SULF1: variants seen among roughly 807,000 people sequenced by gnomAD.
SULF1 encodes extracellular sulfatase Sulf-1.
In SULF1, 46 loss-of-function variants were observed where a neutral mutation model predicts 110.5. The ratio of observed to expected loss-of-function variants is 0.42; its 90% CI spans 0.33 to 0.53. The LOEUF (loss-of-function observed/expected upper bound fraction) is 0.53. Ranked by LOEUF, SULF1 falls within the 20% of genes least tolerant of loss-of-function variation. The pLI, the probability that SULF1 is intolerant of heterozygous loss-of-function variation, is 0.12. For missense variants in SULF1, 941 were observed against 1,094.2 expected, an observed-to-expected ratio of 0.86 and a Z score of 1.98; for synonymous variants, 371 against 387.1, an observed-to-expected ratio of 0.96 and a Z score of 0.49.
At chr8:69,523,890 C>T (rs1344304700) in intron 3 of SULF1, among the ~76,000 whole-genome samples, 1 of 151,852 alleles carries the variant, frequency 6.6e-6, no homozygotes, top group Non-Finnish European at 1.5e-5. Context: ...ATTAGATTGG[C>T]CAGGGAGTGG....
At chr8:69,651,465 T>G (rs1812341301) in intron 22 of SULF1, among the ~76,000 whole-genome samples, 2 of 152,192 alleles carry the variant, frequency 1.3e-5, no homozygotes, top group African/African-American at 4.8e-5. Flanking sequence ...GCTTTTAGAG[T>G]TTCTCTATTA....
At chr8:69,526,263 T>TA (rs1163063241) in intron 3 of SULF1, among the ~76,000 whole-genome samples, 1 of 152,032 alleles carries the variant, frequency 6.6e-6, no homozygotes, top group Non-Finnish European at 1.5e-5. Flanking sequence ...CAGTTTCCTG[T>TA]AAAGATAAAG....
At chr8:69,559,731 G>A (rs1815345762) in intron 3 of SULF1, among the ~76,000 whole-genome samples, 2 of 152,136 alleles carry the variant, frequency 1.3e-5, no homozygotes, top group African/African-American at 4.8e-5. Flanking sequence ...TTTTCCTCAA[G>A]ACAGCCATCA....
intron 15 of SULF1, 33 bp from the exon 16 acceptor site, chr8:69,627,177 A>G: frequency 6.6e-7 from 1 of 1,510,278 alleles, no homozygotes; most frequent in Non-Finnish European, 9.2e-7. Flanking sequence ...TAGAATATAA[A>G]CCTATTTCAC....
At chr8:69,656,441 C>T (rs147847862) in intron 22 of SULF1, among the ~76,000 whole-genome samples, 25 of 152,286 alleles carry the variant, frequency 1.6e-4, no homozygotes, top group Admixed American at 1.6e-3. Context: ...GCCCAGCATG[C>T]ATTAGCTATT....
At chr8:69,645,146 C>T (rs545224172) in intron 22 of SULF1, among the ~76,000 whole-genome samples, 1 of 152,228 alleles carries the variant, frequency 6.6e-6, no homozygotes, top group Admixed American at 6.5e-5. Context: ...CCAGTAGGCA[C>T]CAAAATCCAG....
chr8:69,547,755 G>A (rs1306131336), intron 3 of SULF1, among the ~76,000 whole-genome samples: 1 of 152,114 alleles, frequency 6.6e-6, no homozygotes, highest in Non-Finnish European at 1.5e-5. Context: ...CCATTCAAAG[G>A]CAGGACTCTT....
chr8:69,521,359 A>G (rs1001028920), intron 3 of SULF1, among the ~76,000 whole-genome samples: 1 of 152,152 alleles, frequency 6.6e-6, no homozygotes, highest in Non-Finnish European at 1.5e-5. Context: ...ACTAACCACA[A>G]TATACGTAGT....
chr8:69,484,156 A>G (rs1305865944), intron 1 of SULF1, among the ~76,000 whole-genome samples: 1 of 152,158 alleles, frequency 6.6e-6, no homozygotes, highest in African/African-American at 2.4e-5. Flanking sequence ...CTTTAAGCTC[A>G]GTTGACTTTT....
intron 3 of SULF1, among the ~76,000 whole-genome samples, chr8:69,515,288 G>T (rs908113896): frequency 2.0e-5 from 3 of 152,152 alleles, no homozygotes; most frequent in Non-Finnish European, 4.4e-5. Context: ...ACACCTGAAG[G>T]CCCAACACCA....
intron 22 of SULF1, among the ~76,000 whole-genome samples, chr8:69,658,220 G>A (rs578067065): frequency 1.3e-5 from 2 of 152,126 alleles, no homozygotes; most frequent in Non-Finnish European, 2.9e-5. Context: ...GTGGGGCCAG[G>A]AGTGAAACCC....
At chr8:69,516,403 T>C (rs1899274) in intron 3 of SULF1, among the ~76,000 whole-genome samples, 82,805 of 150,872 alleles carry the variant, frequency 0.55, 23,067 homozygotes, top group South Asian at 0.65. Context: ...AAAAAACAGA[T>C]CTTGTGGGAA....
chr8:69,533,838 C>T (rs1036362651), intron 3 of SULF1, among the ~76,000 whole-genome samples: 6 of 152,020 alleles, frequency 3.9e-5, no homozygotes, highest in African/African-American at 1.5e-4. Flanking sequence ...AATGTGGTTA[C>T]TTTTTTACCT....
At chr8:69,616,702 G>GTTT (rs35961171) in intron 13 of SULF1, among the ~76,000 whole-genome samples, 1 of 104,608 alleles carries the variant, frequency 9.6e-6, no homozygotes, top group Non-Finnish European at 1.8e-5. Flanking sequence ...GTGCCCGGCC[G>GTTT]TTTTTTTTTT....
At chr8:69,658,061 C>T (rs1293283834) in intron 22 of SULF1, among the ~76,000 whole-genome samples, 1 of 152,220 alleles carries the variant, frequency 6.6e-6, no homozygotes, top group African/African-American at 2.4e-5. Flanking sequence ...TTGCCTATTA[C>T]ATTCAAATAC....
At chr8:69,481,757 G>A (rs1027543695) in intron 1 of SULF1, among the ~76,000 whole-genome samples, 2 of 152,178 alleles carry the variant, frequency 1.3e-5, no homozygotes, top group South Asian at 2.1e-4. Flanking sequence ...AAGGATAATG[G>A]CCTCCAGCTC....
At position 69,523,630 on chromosome 8, in the gene SULF1, T is replaced by C. The variant is rs189134568; in HGVS notation, c.-134+21662T>C. Reference sequence around the variant, plus strand: ...GTGAAGTGAGAGAGGGGGAAGGAGGTTGAGAATGTTTACAAAGGACTGATG... The same window carrying C: ...GTGAAGTGAGAGAGGGGGAAGGAGGCTGAGAATGTTTACAAAGGACTGATG... On this transcript the variant is annotated intron_variant, in intron 3 of 22. Transcript: ENST00000402687. 2.9e-3 allele frequency among the ~76,000 whole-genome samples: 442 copies of C among 150,318 alleles called. 2 individuals carry two copies. The highest frequency in any genetic ancestry group is 5.6e-3 in the Non-Finnish European group (377 of 67,580).
intron 13 of SULF1, among the ~76,000 whole-genome samples, chr8:69,606,822 C>A (rs1032918808): frequency 6.6e-6 from 1 of 152,186 alleles, no homozygotes; most frequent in South Asian, 2.1e-4. Context: ...TGTTTCATTT[C>A]GCTGTGAATC....
intron 3 of SULF1, among the ~76,000 whole-genome samples, chr8:69,530,031 T>C (rs1220990258): frequency 6.6e-6 from 1 of 152,210 alleles, no homozygotes; most frequent in African/African-American, 2.4e-5. Flanking sequence ...TGACTCGGTC[T>C]CATTTTTCTG....
Sources: gnomAD v4.1 joint callset for allele counts (sites outside exome capture counted in the v4.1 genomes callset) on GRCh38, gnomAD v4.1.1 for gene constraint, MANE v1.5 for transcripts, NCBI Gene and HGNC (gene_info 2026-07-23, HGNC 2026-07-21) for gene names.